The following UNC13C variants were observed in gnomAD, a reference collection of about 807,000 sequenced individuals.
The protein encoded by UNC13C is unc-13 homolog C, also known as protein unc-13 homolog C.
A neutral mutation model predicts 245.4 loss-of-function variants in UNC13C; 174 were observed. The observed-to-expected ratio is 0.71, with a 90% CI of 0.63 to 0.80. The LOEUF (loss-of-function observed/expected upper bound fraction) is 0.80, where lower values mean the gene tolerates loss of function less well. Ranked by LOEUF, UNC13C falls within the 30% of genes least tolerant of loss-of-function variation. The pLI, the probability that UNC13C is intolerant of heterozygous loss-of-function variation, is 0.00. For missense variants in UNC13C, 2,829 were observed against 2,602.9 expected (o/e 1.09, Z -1.89); for synonymous variants, 992 against 895.1 (o/e 1.11, Z -1.93).
intron 2 of UNC13C, among the ~76,000 whole-genome samples, chr15:54,113,400 A>G (rs2029966251): frequency 2.0e-5 from 3 of 152,214 alleles, no homozygotes; most frequent in African/African-American, 7.2e-5. Context: ...CAGAAAAATC[A>G]GAGTGGCAAC....
chr15:54,079,127 G>C (rs1044689264), intron 2 of UNC13C, among the ~76,000 whole-genome samples: 2 of 151,998 alleles, frequency 1.3e-5, no homozygotes, highest in Non-Finnish European at 1.5e-5. Context: ...TTATAGGTGT[G>C]TGACTTTATT....
At chr15:54,321,319 G>A (rs1442866162) in intron 13 of UNC13C, 1 of 471,132 alleles carries the variant, frequency 2.1e-6, no homozygotes, top group East Asian at 5.6e-5. Context: ...TAATCTCTTG[G>A]GTGATGTCCT....
intron 7 of UNC13C, among the ~76,000 whole-genome samples, chr15:54,246,595 T>C (rs1221796654): frequency 6.6e-6 from 1 of 152,184 alleles, no homozygotes; most frequent in Non-Finnish European, 1.5e-5. Context: ...TTTATTATAA[T>C]CTTAAAATAC....
chr15:54,121,743 G>T (rs2030681655), intron 2 of UNC13C, among the ~76,000 whole-genome samples: 1 of 151,824 alleles, frequency 6.6e-6, no homozygotes, highest in African/African-American at 2.4e-5. Context: ...ATTTTTAGAA[G>T]ACTGTATCTT....
chr15:54,014,899 T>G lies in UNC13C; in HGVS notation c.1996T>G (p.Leu666Val). The change falls in exon 2 of 33, where the codon TTA becomes GTA. Residue 666 changes from leucine to valine, a missense_variant. Leu to Val is a conservative substitution (Grantham distance 32, BLOSUM62 1). Transcript: ENST00000260323. ...PWKEWNQGAD[L>V]GLDSSTQEGF... ...GAAGGAATGGAATCAAGGAGCTGAT[T>G]TAGGCTTGGATTCATCCACCCAGGA... The G allele has an allele frequency of 6.2e-7, 1 of 1,613,902 alleles. No homozygotes were observed. Among genetic ancestry groups the G allele is most frequent in the Non-Finnish European group, 8.5e-7 (1 of 1,179,840 alleles).
chr15:53,899,193 A>T, the UNC13C span, among the ~76,000 whole-genome samples: 1 of 152,178 alleles, frequency 6.6e-6, no homozygotes, highest in African/African-American at 2.4e-5. Context: ...TATGTTTATT[A>T]TCTGCCTATG....
chr15:54,302,400 C>T (rs7181196), intron 13 of UNC13C, among the ~76,000 whole-genome samples: 15,147 of 152,066 alleles, frequency 0.1, 2,464 homozygotes, highest in African/African-American at 0.34. Context: ...TCTAGGTTTT[C>T]TTCTAGGGTT....
intron 19 of UNC13C, among the ~76,000 whole-genome samples, chr15:54,481,480 G>GGT (rs146447560): frequency 4.5e-4 from 69 of 151,962 alleles, no homozygotes; most frequent in Non-Finnish European, 8.8e-4. Context: ...GGTCTTGGAA[G>GGT]GTGTGTGTGT....
At chr15:53,980,399 G>C (rs1893879424) in intron 1 of UNC13C, among the ~76,000 whole-genome samples, 1 of 152,106 alleles carries the variant, frequency 6.6e-6, no homozygotes, top group African/African-American at 2.4e-5. Context: ...AACATTGTGT[G>C]TTTCTTCTAT....
intron 2 of UNC13C, among the ~76,000 whole-genome samples, chr15:54,124,055 G>A (rs189142962): frequency 5.3e-4 from 81 of 152,170 alleles, no homozygotes; most frequent in African/African-American, 1.7e-3. Flanking sequence ...GCTGACTAGC[G>A]TCCTATGACA....
At chr15:54,470,436 A>G (rs866010818) in intron 19 of UNC13C, among the ~76,000 whole-genome samples, 2 of 151,244 alleles carry the variant, frequency 1.3e-5, no homozygotes, top group Non-Finnish European at 3.0e-5. Flanking sequence ...TTATTGGCCT[A>G]CTCAGATTTG....
At chr15:54,583,885 TC>T (rs1898329244) in intron 30 of UNC13C, among the ~76,000 whole-genome samples, 1 of 152,148 alleles carries the variant, frequency 6.6e-6, no homozygotes, top group Non-Finnish European at 1.5e-5. Context: ...AAGTCCTGCT[TC>T]CTACTTGTTC....
intron 29 of UNC13C, among the ~76,000 whole-genome samples, chr15:54,562,354 G>A (rs373786721): frequency 1.3e-5 from 2 of 151,938 alleles, no homozygotes; most frequent in East Asian, 3.9e-4. Flanking sequence ...TGACTGTATA[G>A]GGGACAGATG....
intron 2 of UNC13C, among the ~76,000 whole-genome samples, chr15:54,026,134 C>G (rs992185342): frequency 6.6e-6 from 1 of 152,118 alleles, no homozygotes; most frequent in Non-Finnish European, 1.5e-5. Context: ...AGGAAATTCT[C>G]GAGCTGATCA....
At chr15:54,596,575 C>A (rs1050146976) in intron 30 of UNC13C, among the ~76,000 whole-genome samples, 1 of 152,128 alleles carries the variant, frequency 6.6e-6, no homozygotes, top group Non-Finnish European at 1.5e-5. Flanking sequence ...GGAGGCATTG[C>A]ACAGGCAGGA....
intron 2 of UNC13C, among the ~76,000 whole-genome samples, chr15:54,019,153 G>A (rs1895788036): frequency 6.6e-6 from 1 of 152,176 alleles, no homozygotes; most frequent in Non-Finnish European, 1.5e-5. Flanking sequence ...TACAGGTGAG[G>A]AAGCAGATGC....
chr15:54,240,674 C>T lies in UNC13C; in HGVS notation c.3228+2984C>T, dbSNP rs76995231. Among the ~76,000 whole-genome samples, 925 of 152,176 alleles carry T rather than the reference C, an allele frequency of 6.1e-3. 8 individuals carry two copies. Among genetic ancestry groups the T allele is most frequent in the African/African-American group, 0.021 (882 of 41,498 alleles). On this transcript the variant is annotated intron_variant, in intron 7 of 32. Transcript: ENST00000260323. ...CACCAACTCCACCTTACCCATGAGG[C>T]GCTATTAGGACTGATTGAGAATCTC...
At chr15:54,361,595 G>T (rs1303011253) in intron 17 of UNC13C, among the ~76,000 whole-genome samples, 1 of 152,178 alleles carries the variant, frequency 6.6e-6, no homozygotes, top group African/African-American at 2.4e-5. Flanking sequence ...TTTGAGAAGA[G>T]AATCACCTTG....
intron 19 of UNC13C, among the ~76,000 whole-genome samples, chr15:54,418,324 C>T (rs1484064592): frequency 6.6e-6 from 1 of 152,134 alleles, no homozygotes; most frequent in African/African-American, 2.4e-5. Context: ...AATCAGCTGT[C>T]AGACTGTCTA....
Sources: gnomAD v4.1 joint callset for allele counts (sites outside exome capture counted in the v4.1 genomes callset) on GRCh38, gnomAD v4.1.1 for gene constraint, MANE v1.5 for transcripts, NCBI Gene and HGNC (gene_info 2026-07-23, HGNC 2026-07-21) for gene names.